The following CDH18 variants were observed in gnomAD, a reference collection of about 807,000 sequenced individuals.
The protein encoded by CDH18 is cadherin 18.
A neutral mutation model predicts 67.9 loss-of-function variants in CDH18; 31 were observed. The ratio of observed to expected loss-of-function variants is 0.46; its 90% confidence interval spans 0.34 to 0.62. The LOEUF (loss-of-function observed/expected upper bound fraction) is 0.62, where lower values mean the gene tolerates loss of function less well. Ranked by LOEUF, CDH18 falls within the 20% of genes least tolerant of loss-of-function variation. The probability of loss-of-function intolerance (pLI) is 0.01; values close to 1 mark genes in which losing one functional copy is unlikely to be tolerated. For synonymous variants in CDH18, 362 were observed against 347.2 expected (o/e 1.04, Z -0.48); for missense variants, 890 against 975.5 (o/e 0.91, Z 1.17).
At chr5:20,419,515 G>A (rs1204940397) in intron 1 of CDH18, among the ~76,000 whole-genome samples, 1 of 121,550 alleles carries the variant, frequency 8.2e-6, no homozygotes, top group Admixed American at 1.1e-4. Context: ...TCGCTCTGTC[G>A]CCCAGGCTGG....
At chr5:19,508,866 T>C (rs76631007) in intron 10 of CDH18, among the ~76,000 whole-genome samples, 3 of 28,812 alleles carry the variant, frequency 1.0e-4, no homozygotes, top group African/African-American at 6.6e-4. Flanking sequence ...CTTTCTTTTC[T>C]TTTTTTTTTT....
In CDH18 at chr5:19,657,798, G is replaced by A. The variant is rs1374618837; in HGVS notation, c.644-45197C>T. ...ATTCTCCTCACTCTAGGAAGCACAT[G>A]TTTCTTGGACTAGGTGAGGAATAGT... On this transcript the variant is annotated intron_variant, in intron 5 of 12. Coordinates refer to ENST00000382275, the MANE Select transcript of CDH18 (RefSeq NM_004934.5). Among the ~76,000 whole-genome samples, 6 of 152,090 alleles carry A rather than the reference G, an allele frequency of 3.9e-5. No homozygotes were observed. The East Asian group carries it at 1.2e-3, about 29-fold the overall frequency.
chr5:20,221,267 G>A lies in CDH18; in HGVS notation c.-518+34177C>T, dbSNP rs907219224. ...ATGTGGTACCTATATACACAATGGA[G>A]CATTATTCAGCCGTAAAAATGAATG... On this transcript the variant is annotated intron_variant, in intron 2 of 14. Coordinates refer to the CDH18 transcript ENST00000507958. Among the ~76,000 whole-genome samples, 27 of 152,144 alleles carry A rather than the reference G, an allele frequency of 1.8e-4. 1 individual carries two copies. The South Asian group carries it at 4.8e-3, about 27-fold the overall frequency.
chr5:19,978,229 T>TC (rs1429771068), intron 2 of CDH18, among the ~76,000 whole-genome samples: 10 of 152,244 alleles, frequency 6.6e-5, no homozygotes, highest in Middle Eastern at 3.4e-3. Flanking sequence ...AAGAACGTAT[T>TC]CATTAGGGAG....
chr5:19,969,139 A>G (rs2150329561), intron 2 of CDH18, among the ~76,000 whole-genome samples: 1 of 148,142 alleles, frequency 6.8e-6, no homozygotes, highest in African/African-American at 2.7e-5. Context: ...CAAAACCACA[A>G]TGAGATACCA....
chr5:20,203,900 A>G (rs1739663184), intron 2 of CDH18, among the ~76,000 whole-genome samples: 1 of 152,096 alleles, frequency 6.6e-6, no homozygotes, highest in Non-Finnish European at 1.5e-5. Context: ...TGGATCAAGC[A>G]GAGCAAATAA....
chr5:20,336,292 A>T (rs2150035301), intron 1 of CDH18, among the ~76,000 whole-genome samples: 1 of 152,246 alleles, frequency 6.6e-6, no homozygotes, highest in South Asian at 2.1e-4. Context: ...ATGAGAGAGG[A>T]CACAGTTAGG....
intron 2 of CDH18, among the ~76,000 whole-genome samples, chr5:19,911,122 G>A (rs1447175026): frequency 6.6e-6 from 1 of 152,112 alleles, no homozygotes; most frequent in Non-Finnish European, 1.5e-5. Flanking sequence ...GGTGGAGAGG[G>A]TAAGTTGGGC....
intron 8 of CDH18, among the ~76,000 whole-genome samples, chr5:19,560,894 A>G (rs748053628): frequency 6.6e-6 from 1 of 152,234 alleles, no homozygotes; most frequent in Non-Finnish European, 1.5e-5. Flanking sequence ...AATGGCCAAT[A>G]AACAGATGAA....
intron 1 of CDH18, among the ~76,000 whole-genome samples, chr5:20,370,042 C>T (rs538145443): frequency 6.6e-6 from 1 of 152,152 alleles, no homozygotes; most frequent in East Asian, 1.9e-4. Flanking sequence ...TTATTAATAT[C>T]TTTTATTTCT....
chr5:19,658,185 T>C (rs1211006946), intron 5 of CDH18, among the ~76,000 whole-genome samples: 1 of 152,122 alleles, frequency 6.6e-6, no homozygotes, highest in Non-Finnish European at 1.5e-5. Context: ...TATATTTGCA[T>C]TTTTATATAG....
chr5:20,224,844 T>C (rs996842153), intron 2 of CDH18, among the ~76,000 whole-genome samples: 1 of 152,134 alleles, frequency 6.6e-6, no homozygotes, highest in African/African-American at 2.4e-5. Context: ...TGACAATTTC[T>C]TTAATATTAT....
intron 5 of CDH18, among the ~76,000 whole-genome samples, chr5:19,617,807 G>A (rs1358246550): frequency 6.6e-6 from 1 of 152,026 alleles, no homozygotes; most frequent in East Asian, 1.9e-4. Context: ...GATATGTAGG[G>A]GCTTGTAATT....
chr5:20,224,309 A>G (rs1741443311), intron 2 of CDH18, among the ~76,000 whole-genome samples: 1 of 152,154 alleles, frequency 6.6e-6, no homozygotes, highest in Non-Finnish European at 1.5e-5. Flanking sequence ...CCCTAGGGTT[A>G]TTTTGTAATA....
At chr5:20,288,263 T>C (rs1455716755) in intron 1 of CDH18, among the ~76,000 whole-genome samples, 1 of 151,802 alleles carries the variant, frequency 6.6e-6, no homozygotes, top group Non-Finnish European at 1.5e-5. Context: ...AAATCATTTA[T>C]GACAATTTGA....
At chr5:19,699,596 A>G (rs1762950157) in intron 5 of CDH18, among the ~76,000 whole-genome samples, 2 of 148,058 alleles carry the variant, frequency 1.4e-5, no homozygotes, top group East Asian at 2.0e-4. Flanking sequence ...GAGAGAGATG[A>G]TGTCTCTCTT....
At chr5:19,927,415 A>T (rs1793211434) in intron 2 of CDH18, among the ~76,000 whole-genome samples, 1 of 152,170 alleles carries the variant, frequency 6.6e-6, no homozygotes, top group Non-Finnish European at 1.5e-5. Flanking sequence ...GCCAAATTCA[A>T]AAAGCTTCAA....
At chr5:19,963,272 A>C (rs1385941664) in intron 2 of CDH18, among the ~76,000 whole-genome samples, 1 of 152,150 alleles carries the variant, frequency 6.6e-6, no homozygotes, top group Non-Finnish European at 1.5e-5. Flanking sequence ...CAAGGTATTA[A>C]AACTACAATG....
At chr5:19,679,089 G>A (rs1250178185) in intron 5 of CDH18, among the ~76,000 whole-genome samples, 1 of 151,970 alleles carries the variant, frequency 6.6e-6, no homozygotes, top group Non-Finnish European at 1.5e-5. Flanking sequence ...ACTTCAAAAA[G>A]CTAATCTGCC....
Sources: allele counts gnomAD v4.1 joint callset (sites outside exome capture counted in the v4.1 genomes callset), GRCh38; gene constraint gnomAD v4.1.1; transcripts MANE v1.5; gene names NCBI Gene and HGNC (gene_info 2026-07-23, HGNC 2026-07-21).